Variants in ZC3H7A observed in about 807,000 individuals in gnomAD.
The protein encoded by ZC3H7A is zinc finger CCCH-type containing 7A, also known as zinc finger CCCH domain-containing protein 7A.
A neutral mutation model predicts 125.5 loss-of-function variants in ZC3H7A; 44 were observed. The observed-to-expected ratio is 0.35, with a 90% CI of 0.28 to 0.45. ZC3H7A has a LOEUF of 0.45. Ranked by LOEUF, ZC3H7A falls within the 20% of genes least tolerant of loss-of-function variation. The probability of loss-of-function intolerance (pLI) is 1.00; values close to 1 mark genes in which losing one functional copy is unlikely to be tolerated. For synonymous variants in ZC3H7A, 399 were observed against 391.2 expected (o/e 1.02, Z -0.23); for missense variants, 977 against 1,170.7 (o/e 0.83, Z 2.41).
intron 3 of ZC3H7A, among the ~76,000 whole-genome samples, chr16:11,781,144 G>T (rs1051919758): frequency 4.6e-5 from 7 of 152,124 alleles, no homozygotes; most frequent in African/African-American, 1.7e-4. Flanking sequence ...AACTTTTTCT[G>T]CAAATGCCCA....
At position 11,756,095 on chromosome 16, in the gene ZC3H7A, G is replaced by A. The variant is rs757162119; in HGVS notation, c.2562+142C>T. On this transcript the variant is annotated intron_variant, in intron 21 of 22. Coordinates refer to ENST00000355758, the MANE Select transcript of ZC3H7A (RefSeq NM_014153.4). Reference sequence around the variant, plus strand: ...AGAGAATTGCTTGAACCAGGGAGGCGGAGGTTGCAGTGAGCTGAAATCACA... The same window carrying A: ...AGAGAATTGCTTGAACCAGGGAGGCAGAGGTTGCAGTGAGCTGAAATCACA... 5.3e-5 allele frequency: 63 copies of A among 1,191,574 alleles called. 1 individual carries two copies. In the South Asian group the frequency reaches 6.6e-4, roughly 12 times the overall value. 73.8% of individuals were successfully genotyped at this position (1,191,574 alleles called of 1,614,324 possible).
rs370138073 is a variant in ZC3H7A, at chr16:11,750,769, T to G, written c.*548A>C. 6.5e-6 allele frequency: 1 copy of G among 152,690 alleles called. No individual in the cohort carries two copies. Among genetic ancestry groups the G allele is most frequent in the Non-Finnish European group, 1.5e-5 (1 of 68,082 alleles). The allele number at this position is 152,690 out of a possible 1,614,324, so 9.5% of individuals were successfully genotyped here. A position where few individuals can be genotyped will look rare whatever the true frequency, so the allele number is the denominator to read the frequency against. ...TGCACATTATCCTTAATTCCCTTAT[T>G]ATAGTGAAACATACAAATACAGAAA... is the stretch of plus-strand genomic sequence containing the variant. On this transcript the variant is annotated 3_prime_UTR_variant, in exon 23 of 23. Transcript: ENST00000355758.
chr16:11,775,176 G>C (rs1049849397), intron 7 of ZC3H7A, among the ~76,000 whole-genome samples, 163 bp from the exon 8 acceptor site: 2 of 152,058 alleles, frequency 1.3e-5, no homozygotes, highest in East Asian at 1.9e-4. Flanking sequence ...TTTGAGACCA[G>C]CCTGGCCAAC....
At chr16:11,788,118 C>CCT (rs1239236464) in intron 1 of ZC3H7A, among the ~76,000 whole-genome samples, 2 of 152,088 alleles carry the variant, frequency 1.3e-5, no homozygotes, top group Non-Finnish European at 2.9e-5. Context: ...AAAGTTAACC[C>CCT]AACAGTCTCT....
Position 11,782,357 on chromosome 16 carries a change from T to C in ZC3H7A, c.-3A>G. 6.2e-7 allele frequency: 1 copy of C among 1,614,120 alleles called. No individual in the cohort carries two copies. ...CTCTCCTCGGACACATTGGACATGT[T>C]ATCCCACACATCCACTTTCTAAATG... On this transcript the variant is annotated 5_prime_UTR_variant, in exon 2 of 23. In the 5' UTR this introduces an upstream ATG that the reference lacks. Coordinates refer to ENST00000355758, the MANE Select transcript of ZC3H7A (RefSeq NM_014153.4).
chr16:11,782,902 C>A lies in ZC3H7A; in HGVS notation c.-34-514G>T, dbSNP rs187914306. The A allele has an allele frequency of 6.2e-4, 95 of 153,528 alleles. No individual in the cohort carries two copies. The East Asian group carries it at 0.017, about 27-fold the overall frequency. 9.5% of individuals were successfully genotyped at this position (153,528 alleles called of 1,614,324 possible). Reference sequence around the variant, plus strand: ...AGTGTGGGATTATAGGTGTGAGCCACAGCGCCTGGCCAGTTTTCACATTCT... The same window carrying A: ...AGTGTGGGATTATAGGTGTGAGCCAAAGCGCCTGGCCAGTTTTCACATTCT... On this transcript the variant is annotated intron_variant, in intron 1 of 22. Transcript: ENST00000355758.
chr16:11,784,842 G>T (rs2053231247), intron 1 of ZC3H7A, among the ~76,000 whole-genome samples: 1 of 129,214 alleles, frequency 7.7e-6, no homozygotes, highest in Non-Finnish European at 1.6e-5. Context: ...CAACAAGAGT[G>T]ACACTCCATC....
At chr16:11,792,600 C>G (rs2053371965) in intron 1 of ZC3H7A, among the ~76,000 whole-genome samples, 1 of 152,222 alleles carries the variant, frequency 6.6e-6, no homozygotes, top group Non-Finnish European at 1.5e-5. Context: ...ACTCCAGGCA[C>G]TGTTCTACAT....
intron 4 of ZC3H7A, among the ~76,000 whole-genome samples, chr16:11,778,000 C>T (rs961297621): frequency 1.1e-5 from 1 of 89,310 alleles, no homozygotes; most frequent in Admixed American, 1.3e-4. Flanking sequence ...GCCTGGGCAA[C>T]AAGAGTGAAA....
chr16:11,762,103 A>T lies in ZC3H7A; in HGVS notation c.2080-60T>A, dbSNP rs1257305816. On this transcript the variant is annotated intron_variant, in intron 17 of 22. Coordinates refer to ENST00000355758, the MANE Select transcript of ZC3H7A (RefSeq NM_014153.4). ...AACAGAAAACCAGTTTTCTGATGACAAAATACTAAATCAAGATGCATTTTT... is the reference window on the plus strand; with the variant it reads ...AACAGAAAACCAGTTTTCTGATGACTAAATACTAAATCAAGATGCATTTTT... 1.0e-5 allele frequency: 15 copies of T among 1,476,342 alleles called. No homozygotes were observed. The South Asian group carries it at 1.2e-4, about 12-fold the overall frequency. The allele number at this position is 1,476,342 out of a possible 1,614,324, so 91.5% of individuals were successfully genotyped here. A position where few individuals can be genotyped will look rare whatever the true frequency, so the allele number is the denominator to read the frequency against.
chr16:11,789,149 G>A (rs966248347), intron 1 of ZC3H7A, among the ~76,000 whole-genome samples: 2 of 152,176 alleles, frequency 1.3e-5, no homozygotes, highest in African/African-American at 4.8e-5. Flanking sequence ...TGTCACCATT[G>A]AAGGAAGAGG....
At chr16:11,766,779 A>G (rs1265403734) in intron 13 of ZC3H7A, among the ~76,000 whole-genome samples, 1 of 151,154 alleles carries the variant, frequency 6.6e-6, no homozygotes, top group Non-Finnish European at 1.5e-5. Flanking sequence ...GCTACTCGGG[A>G]GGCTGAGGCA....
At chr16:11,770,275 TGA>T (rs1163288162) in intron 10 of ZC3H7A, among the ~76,000 whole-genome samples, 1 of 152,184 alleles carries the variant, frequency 6.6e-6, no homozygotes, top group Non-Finnish European at 1.5e-5. Flanking sequence ...AAACCTAGGA[TGA>T]CAGAAACAGG....
At chr16:11,754,531 T>A (rs989860195) in intron 21 of ZC3H7A, among the ~76,000 whole-genome samples, 1 of 151,380 alleles carries the variant, frequency 6.6e-6, no homozygotes, top group Non-Finnish European at 1.5e-5. Context: ...AAACAAGAAA[T>A]AAGGGCAGTA....
chr16:11,777,565 T>C (rs2053102472), intron 4 of ZC3H7A, among the ~76,000 whole-genome samples: 2 of 149,196 alleles, frequency 1.3e-5, no homozygotes, highest in South Asian at 2.1e-4. Flanking sequence ...CTACTAAAAA[T>C]ACAAAAATTA....
At chr16:11,783,343 C>G (rs559631637) in intron 1 of ZC3H7A, among the ~76,000 whole-genome samples, 51 of 152,224 alleles carry the variant, frequency 3.4e-4, no homozygotes, top group African/African-American at 1.2e-3. Flanking sequence ...TGGGCCCCAC[C>G]TCCACTAATC....
chr16:11,751,196 G>A lies in ZC3H7A; in HGVS notation c.*121C>T. The A allele has an allele frequency of 9.1e-7, 1 of 1,100,476 alleles. No individual in the cohort carries two copies. Among genetic ancestry groups the A allele is most frequent in the South Asian group, 1.7e-5 (1 of 57,698 alleles). The allele number at this position is 1,100,476 out of a possible 1,614,324, so 68.2% of individuals were successfully genotyped here. A position where few individuals can be genotyped will look rare whatever the true frequency, so the allele number is the denominator to read the frequency against. On this transcript the variant is annotated 3_prime_UTR_variant, in exon 23 of 23. Coordinates refer to ENST00000355758, the MANE Select transcript of ZC3H7A (RefSeq NM_014153.4). Reference sequence around the variant, plus strand: ...CCTACCTACTGTGGGTTGCTGCTCAGGAGGAACGATATACGCCAATACAAG... The same window carrying A: ...CCTACCTACTGTGGGTTGCTGCTCAAGAGGAACGATATACGCCAATACAAG...
intron 1 of ZC3H7A, 198 bp downstream of exon 1, chr16:11,796,925 TC>T (rs2053448481): frequency 1.3e-5 from 2 of 148,680 alleles, no homozygotes; most frequent in African/African-American, 4.9e-5. Context: ...CACCCGTCCC[TC>T]CGCGCGCACA....
Position 11,763,479 on chromosome 16 carries a change from T to A in ZC3H7A, c.2001A>T (p.Thr667=), listed in dbSNP as rs1395550513. The A allele has an allele frequency of 6.3e-7, 1 of 1,595,034 alleles. No individual in the cohort carries two copies. Among genetic ancestry groups the A allele is most frequent in the East Asian group, 2.3e-5 (1 of 43,894 alleles). ...CTTCTCAGTCGCACTCAAACCTACC[T>A]GTTTCATTTTGCATTATCCAGACTT... ...ELKVWIMQNE[T]GISHDAIAQE... is the part of the protein sequence containing the mutation. Residue 667 remains threonine (T), a splice_region_variant and synonymous_variant, in exon 16 of 23, where the codon ACA becomes ACT. Coordinates refer to ENST00000355758, the MANE Select transcript of ZC3H7A (RefSeq NM_014153.4).
Sources: allele counts gnomAD v4.1 joint callset (sites outside exome capture counted in the v4.1 genomes callset), GRCh38; gene constraint gnomAD v4.1.1; transcripts MANE v1.5; gene names NCBI Gene and HGNC (gene_info 2026-07-23, HGNC 2026-07-21).